TBC1D1: variants seen among roughly 807,000 people sequenced by gnomAD.
The protein encoded by TBC1D1 is TBC1 domain family member 1.
TBC1D1 carries 89 observed loss-of-function variants against 125.6 expected under a neutral mutation model. The observed-to-expected ratio is 0.71, with a 90% CI of 0.60 to 0.85. The LOEUF (loss-of-function observed/expected upper bound fraction) is 0.85, where lower values mean the gene tolerates loss of function less well. Among genes scored for constraint, TBC1D1 ranks in the 40% least tolerant of loss-of-function variants. The probability of loss-of-function intolerance (pLI) is 0.00; values close to 1 mark genes in which losing one functional copy is unlikely to be tolerated. For missense variants in TBC1D1, 1,377 were observed against 1,469.2 expected, an observed-to-expected ratio of 0.94 and a Z score of 1.03; for synonymous variants, 565 against 564.1, an observed-to-expected ratio of 1.00 and a Z score of -0.02.
chr4:37,910,401 G>GA (rs1255640369), intron 2 of TBC1D1, among the ~76,000 whole-genome samples: 2 of 151,996 alleles, frequency 1.3e-5, no homozygotes, highest in African/African-American at 2.4e-5. Flanking sequence ...GACTTCATTT[G>GA]AAAAAATATG....
intron 12 of TBC1D1, among the ~76,000 whole-genome samples, chr4:38,071,693 CT>C (rs1754732950): frequency 6.6e-6 from 1 of 152,186 alleles, no homozygotes; most frequent in African/African-American, 2.4e-5. Context: ...CTCTGTAGTC[CT>C]TGGCACACTG....
At chr4:38,018,788 T>C (rs1197170895) in intron 4 of TBC1D1, among the ~76,000 whole-genome samples, 3 of 152,296 alleles carry the variant, frequency 2.0e-5, no homozygotes, top group Non-Finnish European at 1.5e-5. Flanking sequence ...CACACAAATA[T>C]ATCTTTTTAT....
At chr4:38,101,402 G>A (rs146104130) in intron 14 of TBC1D1, among the ~76,000 whole-genome samples, 1 of 152,266 alleles carries the variant, frequency 6.6e-6, no homozygotes, top group African/African-American at 2.4e-5. Flanking sequence ...TGTAATAGCT[G>A]AGTAATGAGC....
chr4:37,997,500 A>G (rs760793316), intron 2 of TBC1D1, among the ~76,000 whole-genome samples: 9 of 152,244 alleles, frequency 5.9e-5, no homozygotes, highest in Admixed American at 5.2e-4. Flanking sequence ...TTTTGCCCCT[A>G]GAAGTTTTTA....
chr4:38,072,691 A>G (rs1034568582), intron 12 of TBC1D1, among the ~76,000 whole-genome samples: 3 of 152,244 alleles, frequency 2.0e-5, no homozygotes, highest in Admixed American at 6.5e-5. Context: ...AGTGTTAAGT[A>G]TATTCACATT....
At chr4:38,132,658 T>G (rs1017860481) in intron 18 of TBC1D1, 2 of 166,422 alleles carry the variant, frequency 1.2e-5, no homozygotes, top group Admixed American at 6.5e-5. Flanking sequence ...AACTTTGACT[T>G]GGTGACTCTG....
chr4:38,040,441 A>G (rs1578388623), intron 8 of TBC1D1, among the ~76,000 whole-genome samples: 1 of 152,138 alleles, frequency 6.6e-6, no homozygotes, highest in Non-Finnish European at 1.5e-5. Flanking sequence ...GGCGTGCGCC[A>G]CCACGCCCAG....
At chr4:37,955,110 C>A (rs530387452) in intron 2 of TBC1D1, among the ~76,000 whole-genome samples, 1 of 152,192 alleles carries the variant, frequency 6.6e-6, no homozygotes, top group South Asian at 2.1e-4. Flanking sequence ...CTTTCTTTAA[C>A]TCACTTTTTA....
chr4:37,996,306 T>G (rs1363447450), intron 2 of TBC1D1: 1 of 201,062 alleles, frequency 5.0e-6, no homozygotes, highest in Non-Finnish European at 1.1e-5. Flanking sequence ...TATCTAACAT[T>G]TATAACTCCG....
rs753453233 is a variant in TBC1D1, at chr4:38,027,913, A to G, written c.1302+34A>G. On this transcript the variant is annotated intron_variant, in intron 7 of 19. Transcript: ENST00000261439. ...CAGTTGCTAATTTCTAGAAGGAAAG[A>G]AAAGGCAGGCAGCTTACCTGGGAAA... 4.1e-6 allele frequency: 6 copies of G among 1,470,698 alleles called. No individual in the cohort carries two copies. In the Admixed American group the frequency reaches 1.0e-4, roughly 25 times the overall value. The allele number at this position is 1,470,698 out of a possible 1,614,324, so 91.1% of individuals were successfully genotyped here.
At chr4:38,129,642 T>G (rs1213333413) in intron 18 of TBC1D1, among the ~76,000 whole-genome samples, 1 of 152,184 alleles carries the variant, frequency 6.6e-6, no homozygotes, top group Non-Finnish European at 1.5e-5. Flanking sequence ...CCATCAGGGT[T>G]CATGACTTTA....
intron 13 of TBC1D1, among the ~76,000 whole-genome samples, chr4:38,092,567 C>T (rs1201756734): frequency 2.6e-5 from 4 of 151,596 alleles, no homozygotes; most frequent in Non-Finnish European, 4.4e-5. Flanking sequence ...CCTGTCTCTA[C>T]TATAATTACA....
chr4:37,932,635 A>G (rs1387970196), intron 2 of TBC1D1, among the ~76,000 whole-genome samples: 1 of 152,198 alleles, frequency 6.6e-6, no homozygotes, highest in East Asian at 1.9e-4. Flanking sequence ...TTCATTTTAC[A>G]GATAGGAGCC....
chr4:37,991,976 C>T (rs573672607), intron 2 of TBC1D1, among the ~76,000 whole-genome samples: 42 of 152,256 alleles, frequency 2.8e-4, no homozygotes, highest in Non-Finnish European at 4.7e-4. Flanking sequence ...GAGGTGTGTT[C>T]GAAACATGTT....
chr4:37,935,745 T>G (rs1195337278), intron 2 of TBC1D1, among the ~76,000 whole-genome samples: 1 of 152,204 alleles, frequency 6.6e-6, no homozygotes, highest in Non-Finnish European at 1.5e-5. Flanking sequence ...AGAATCAAGC[T>G]GTGGAAAGCT....
chr4:38,034,854 T>G (rs1158475549), intron 7 of TBC1D1, among the ~76,000 whole-genome samples: 1 of 152,214 alleles, frequency 6.6e-6, no homozygotes. Flanking sequence ...TTAAAAAAAT[T>G]CACTCTGGCA....
At chr4:37,975,462 G>A (rs1033572895) in intron 2 of TBC1D1, among the ~76,000 whole-genome samples, 17 of 152,152 alleles carry the variant, frequency 1.1e-4, no homozygotes, top group South Asian at 4.1e-4. Flanking sequence ...CAGTCAGGCC[G>A]TCCACAAGAG....
intron 1 of TBC1D1, among the ~76,000 whole-genome samples, chr4:37,895,691 G>A (rs972431808): frequency 6.6e-6 from 1 of 152,152 alleles, no homozygotes; most frequent in Non-Finnish European, 1.5e-5. Context: ...GTGACAGAGT[G>A]AGATTCTGTC....
chr4:37,909,719 T>C (rs1415779866), intron 2 of TBC1D1, among the ~76,000 whole-genome samples: 3 of 152,232 alleles, frequency 2.0e-5, no homozygotes, highest in African/African-American at 7.2e-5. Context: ...AGGTAATGAT[T>C]CTGAGGGGGT....
Sources: allele counts gnomAD v4.1 joint callset (sites outside exome capture counted in the v4.1 genomes callset), GRCh38; gene constraint gnomAD v4.1.1; transcripts MANE v1.5; gene names NCBI Gene and HGNC (gene_info 2026-07-23, HGNC 2026-07-21).